The following GVQW3 variants were observed in gnomAD, a reference collection of about 807,000 sequenced individuals.
GVQW3 encodes protein GVQW3.
Under a neutral mutation model 12.5 loss-of-function variants are expected in GVQW3, and 7 were observed. That is an observed-to-expected ratio of 0.56 (90% CI 0.32 to 1.05). The LOEUF (loss-of-function observed/expected upper bound fraction) is 1.05, where lower values mean the gene tolerates loss of function less well. Among genes scored for constraint, GVQW3 ranks in the 50% least tolerant of loss-of-function variants. The probability of loss-of-function intolerance (pLI) is 0.04; values close to 1 mark genes in which losing one functional copy is unlikely to be tolerated. For missense variants in GVQW3, 188 were observed against 190.8 expected (o/e 0.99, Z 0.09); for synonymous variants, 71 against 67.2 (o/e 1.06, Z -0.28).
chr11:76,400,004 T>TACACACACAC (rs1346744906), intron 1 of GVQW3, among the ~76,000 whole-genome samples: 1 of 78,760 alleles, frequency 1.3e-5, no homozygotes, highest in Non-Finnish European at 2.7e-5. Flanking sequence ...TCTCTCTCTG[T>TACACACACAC]ATACACACAC....
chr11:76,403,230 G>A (rs1280981567), intron 1 of GVQW3, among the ~76,000 whole-genome samples: 1 of 152,184 alleles, frequency 6.6e-6, no homozygotes, highest in Non-Finnish European at 1.5e-5. Flanking sequence ...ACAGGCGTGA[G>A]CCACCACTCC....
At chr11:76,391,604 C>T (rs1946892893) in intron 1 of GVQW3, among the ~76,000 whole-genome samples, 1 of 152,186 alleles carries the variant, frequency 6.6e-6, no homozygotes, top group Non-Finnish European at 1.5e-5. Flanking sequence ...AAGTCCACTC[C>T]TAGAGTTCGG....
chr11:76,385,625 A>G (rs763781215), intron 1 of GVQW3, among the ~76,000 whole-genome samples: 2 of 152,034 alleles, frequency 1.3e-5, no homozygotes, highest in African/African-American at 2.4e-5. Flanking sequence ...ATGGTTTTCC[A>G]CTTAACTTAC....
At chr11:76,384,957 T>A (rs1274158519) in intron 1 of GVQW3, among the ~76,000 whole-genome samples, 2 of 152,074 alleles carry the variant, frequency 1.3e-5, no homozygotes, top group African/African-American at 4.8e-5. Context: ...CAGGCCAGGA[T>A]CCCACAACCA....
chr11:76,384,603 G>T (rs1349323787), intron 1 of GVQW3, among the ~76,000 whole-genome samples: 1 of 152,218 alleles, frequency 6.6e-6, no homozygotes, highest in Non-Finnish European at 1.5e-5. Flanking sequence ...GATTACAGGC[G>T]TGAGCCACCA....
At chr11:76,403,241 C>T (rs1055179497) in intron 1 of GVQW3, among the ~76,000 whole-genome samples, 6 of 152,288 alleles carry the variant, frequency 3.9e-5, no homozygotes, top group South Asian at 4.2e-4. Flanking sequence ...CCACCACTCC[C>T]GGCCTTGGAG....
downstream of GVQW3, among the ~76,000 whole-genome samples, chr11:76,410,031 A>G (rs1947070320): frequency 6.6e-6 from 1 of 152,170 alleles, no homozygotes; most frequent in African/African-American, 2.4e-5. Flanking sequence ...CTGAGGCAGG[A>G]GGATCACTTG....
rs146602806 is a variant in GVQW3, at chr11:76,386,888, G to A, written c.465+4595G>A. Reference sequence around the variant, plus strand: ...TATCCGGAAACAAAAAATCTATAGTGGGGAGCTCCAGTGGGTCCCCTCCAA... The same window carrying A: ...TATCCGGAAACAAAAAATCTATAGTAGGGAGCTCCAGTGGGTCCCCTCCAA... On this transcript the variant is annotated intron_variant, in intron 1 of 1. Coordinates refer to ENST00000529331, the MANE Select transcript of GVQW3 (RefSeq NM_001347885.2). Among the ~76,000 whole-genome samples the A allele has an allele frequency of 6.4e-4, 97 of 152,184 alleles. 1 individual carries two copies. The highest frequency in any genetic ancestry group is 2.3e-3 in the African/African-American group (94 of 41,508).
intron 1 of GVQW3, among the ~76,000 whole-genome samples, chr11:76,391,978 G>A (rs1946897005): frequency 1.3e-5 from 2 of 152,166 alleles, no homozygotes; most frequent in African/African-American, 4.8e-5. Context: ...AAAAAAATCA[G>A]TGAACGGTCA....
At chr11:76,388,076 C>G (rs1230193721) in intron 1 of GVQW3, among the ~76,000 whole-genome samples, 1 of 152,158 alleles carries the variant, frequency 6.6e-6, no homozygotes, top group Non-Finnish European at 1.5e-5. Flanking sequence ...TATAAAACCA[C>G]CTATATTATT....
At chr11:76,393,009 G>C (rs764467185) in intron 1 of GVQW3, 6 of 152,086 alleles carry the variant, frequency 3.9e-5, no homozygotes, top group Non-Finnish European at 8.8e-5. Flanking sequence ...CTAAACCCCA[G>C]TCTTATGTTT....
chr11:76,393,725 CT>C (rs1946914799), intron 1 of GVQW3, among the ~76,000 whole-genome samples: 2 of 151,300 alleles, frequency 1.3e-5, no homozygotes, highest in African/African-American at 4.9e-5. Context: ...TTTTTTTTAG[CT>C]TTAGCTTTTG....
downstream of GVQW3, chr11:76,412,960 T>G (rs948817999): frequency 6.6e-6 from 1 of 152,266 alleles, no homozygotes; most frequent in Non-Finnish European, 1.5e-5. Flanking sequence ...AGCCTAGAGC[T>G]GCAGCTGAAC....
downstream of GVQW3, chr11:76,411,654 T>C (rs1198971223): frequency 1.3e-5 from 2 of 152,226 alleles, no homozygotes; most frequent in African/African-American, 4.8e-5. Context: ...AAGGGTTGCT[T>C]GTGCCCTTGT....
chr11:76,388,920 A>G (rs1228871731), intron 1 of GVQW3, among the ~76,000 whole-genome samples: 3 of 152,176 alleles, frequency 2.0e-5, no homozygotes, highest in Admixed American at 6.5e-5. Flanking sequence ...TAGACTGGCA[A>G]TGGTTTTCTG....
rs1048070796 is a variant in GVQW3 at position 76,381,489 on chromosome 11, T to G, written c.-340T>G. 9.1e-6 allele frequency: 2 copies of G among 219,966 alleles called. No individual in the cohort carries two copies. The highest frequency in any genetic ancestry group is 1.8e-5 in the Non-Finnish European group (2 of 110,736). The allele number at this position is 219,966 out of a possible 1,614,324, so 13.6% of individuals were successfully genotyped here. A position where few individuals can be genotyped will look rare whatever the true frequency, so the allele number is the denominator to read the frequency against. ...CACCACTTAGGCCTTTCTTGCAGAA[T>G]TCGCCATATACTCCTTAAGGGCCGC... On this transcript the variant is annotated 5_prime_UTR_variant, in exon 1 of 2. Transcript: ENST00000529331.
chr11:76,393,552 C>CTG (rs1946912484), intron 1 of GVQW3, among the ~76,000 whole-genome samples: 2 of 152,164 alleles, frequency 1.3e-5, no homozygotes, highest in African/African-American at 4.8e-5. Context: ...TCATGCCCCA[C>CTG]TTTGTGCCTG....
intron 1 of GVQW3, among the ~76,000 whole-genome samples, chr11:76,395,885 G>T (rs933009585): frequency 6.6e-6 from 1 of 152,194 alleles, no homozygotes; most frequent in Non-Finnish European, 1.5e-5. Context: ...TGAGACCAGA[G>T]TAATATTAGT....
At chr11:76,386,706 T>A (rs1246587000) in intron 1 of GVQW3, among the ~76,000 whole-genome samples, 3 of 152,186 alleles carry the variant, frequency 2.0e-5, no homozygotes, top group African/African-American at 7.2e-5. Context: ...TTACTGTGCA[T>A]TCTCCAATTA....
Sources: gnomAD v4.1 joint callset for allele counts (sites outside exome capture counted in the v4.1 genomes callset) on GRCh38, gnomAD v4.1.1 for gene constraint, MANE v1.5 for transcripts, NCBI Gene and HGNC (gene_info 2026-07-23, HGNC 2026-07-21) for gene names.